The following ARFGEF3 variants were observed in gnomAD, a reference collection of about 807,000 sequenced individuals.
The protein encoded by ARFGEF3 is brefeldin A-inhibited guanine nucleotide-exchange protein 3.
Under a neutral mutation model 221.7 loss-of-function variants are expected in ARFGEF3, and 96 were observed. That is an observed-to-expected ratio of 0.43 (90% CI 0.37 to 0.51). The LOEUF (loss-of-function observed/expected upper bound fraction) is 0.51, where lower values mean the gene tolerates loss of function less well. Among genes scored for constraint, ARFGEF3 ranks in the 20% least tolerant of loss-of-function variants. The probability of loss-of-function intolerance (pLI) is 0.00; values close to 1 mark genes in which losing one functional copy is unlikely to be tolerated. For missense variants in ARFGEF3, 2,410 were observed against 2,789.9 expected (o/e 0.86, Z 3.07); for synonymous variants, 1,145 against 1,126.8 (o/e 1.02, Z -0.32).
At chr6:138,238,028 G>A (rs1487908376) in intron 5 of ARFGEF3, among the ~76,000 whole-genome samples, 2 of 152,152 alleles carry the variant, frequency 1.3e-5, no homozygotes, top group African/African-American at 4.8e-5. Context: ...CTGATGTCCT[G>A]CCTTTATGAA....
At position 138,178,716 on chromosome 6, in the gene ARFGEF3, C is replaced by T. The variant is rs565230524; in HGVS notation, c.137+8003C>T. On this transcript the variant is annotated intron_variant, in intron 2 of 33. Transcript: ENST00000251691. The stretch of plus-strand genomic sequence containing the variant: ...GCTTCTCCAGCTTTACATCACATGT[C>T]CCAGAAAGCCACTGCCTTCATCTCC... Among the ~76,000 whole-genome samples the T allele has an allele frequency of 2.0e-5, 3 of 152,230 alleles. No homozygotes were observed. The East Asian group carries it at 5.8e-4, about 29-fold the overall frequency.
intron 5 of ARFGEF3, among the ~76,000 whole-genome samples, chr6:138,231,998 A>G (rs1365570327): frequency 1.3e-5 from 2 of 152,264 alleles, no homozygotes; most frequent in African/African-American, 4.8e-5. Flanking sequence ...AAAATGGACA[A>G]TTATGAAATA....
In ARFGEF3 at chr6:138,317,206, T is replaced by C. The variant is rs1295987650; in HGVS notation, c.4346-45T>C. 3.8e-6 allele frequency: 6 copies of C among 1,596,616 alleles called. No individual in the cohort carries two copies. The African/African-American group carries it at 5.4e-5, about 14-fold the overall frequency. On this transcript the variant is annotated intron_variant, in intron 26 of 33. Coordinates refer to ENST00000251691, the MANE Select transcript of ARFGEF3 (RefSeq NM_020340.5). ...AATTGGATCTTGAGATGATTATTCA[T>C]TGTGTCTAACTGGATTTCATACAGG... is the stretch of plus-strand genomic sequence containing the variant.
rs991144956 is a variant in ARFGEF3 at position 138,263,535 on chromosome 6, C to G, written c.2052C>G (p.Leu684=). The G allele has an allele frequency of 6.2e-7, 1 of 1,613,376 alleles. No individual in the cohort carries two copies. Among genetic ancestry groups the G allele is most frequent in the Non-Finnish European group, 8.5e-7 (1 of 1,179,870 alleles). The change falls in exon 12 of 34, where the codon CTC becomes CTG. Residue 684 remains leucine (L), a synonymous_variant. Coordinates refer to ENST00000251691, the MANE Select transcript of ARFGEF3 (RefSeq NM_020340.5). Reference sequence around the variant, plus strand: ...TCATACAGTCCCTGGAAGGCCTCCTCCCTCGGCTCCTGTCTCTCTCCAATG... The same window carrying G: ...TCATACAGTCCCTGGAAGGCCTCCTGCCTCGGCTCCTGTCTCTCTCCAATG... ...RLFIQSLEGL[L]PRLLSLSNVE...
intron 13 of ARFGEF3, among the ~76,000 whole-genome samples, chr6:138,278,930 T>C (rs9494993): frequency 0.034 from 5,181 of 152,246 alleles, 279 homozygotes; most frequent in African/African-American, 0.12. Flanking sequence ...ATTAAACATG[T>C]GTATAAAACC....
At position 138,337,041 on chromosome 6, in the gene ARFGEF3, G is replaced by GTAAAATAATCCAGAACACT. The variant is rs1314928130; in HGVS notation, c.*557_*575dup. 1 of 152,628 alleles carries GTAAAATAATCCAGAACACT rather than the reference G, an allele frequency of 6.6e-6. No homozygotes were observed. Among genetic ancestry groups the GTAAAATAATCCAGAACACT allele is most frequent in the Non-Finnish European group, 1.5e-5 (1 of 68,048 alleles). 9.5% of individuals were successfully genotyped at this position (152,628 alleles called of 1,614,324 possible). On this transcript the variant is annotated 3_prime_UTR_variant, in exon 34 of 34. Coordinates refer to ENST00000251691, the MANE Select transcript of ARFGEF3 (RefSeq NM_020340.5). Reference sequence around the variant, plus strand: ...AATCAAGAAAGAGGTGACTTCTGTTGTAAAATAATCCAGAACACTTCAAAA... The same window carrying GTAAAATAATCCAGAACACT: ...AATCAAGAAAGAGGTGACTTCTGTTGTAAAATAATCCAGAACACTTAAAATAATCCAGAACACTTCAAAA...
At chr6:138,215,790 A>G (rs528456031) in intron 4 of ARFGEF3, among the ~76,000 whole-genome samples, 104 of 151,870 alleles carry the variant, frequency 6.8e-4, no homozygotes, top group Middle Eastern at 6.8e-3. Context: ...CTAAATTCAC[A>G]TATGAAGAAG....
Position 138,255,595 on chromosome 6 carries a change from T to C in ARFGEF3, c.930T>C (p.Thr310=), listed in dbSNP as rs764914043. ...GCCGAGGATCAGGCTGCTCCTGCAC[T>C]GCGCCGGCCCTGAGCGGACCTGTGG... is the stretch of plus-strand genomic sequence containing the variant. ...DHGRGSGCSC[T]APALSGPVAR... The change falls in exon 10 of 34, where the codon ACT becomes ACC. Residue 310 remains threonine, a synonymous_variant. Transcript: ENST00000251691. 32 of 1,613,884 alleles carry C rather than the reference T, an allele frequency of 2.0e-5. No individual in the cohort carries two copies. Among genetic ancestry groups the C allele is most frequent in the Non-Finnish European group, 2.3e-5 (27 of 1,179,884 alleles).
intron 23 of ARFGEF3, 129 bp downstream of exon 23, chr6:138,307,526 T>C: frequency 1.1e-6 from 1 of 874,988 alleles, no homozygotes; most frequent in Non-Finnish European, 1.8e-6. Context: ...CAGGAAAGAA[T>C]GTGGTGTAGC....
chr6:138,220,369 A>C (rs1480101410), intron 4 of ARFGEF3, among the ~76,000 whole-genome samples: 1 of 152,190 alleles, frequency 6.6e-6, no homozygotes, highest in Non-Finnish European at 1.5e-5. Context: ...ATCTATATAT[A>C]TGTAGTCCTT....
intron 12 of ARFGEF3, among the ~76,000 whole-genome samples, chr6:138,277,184 T>G (rs1779113705): frequency 6.6e-6 from 1 of 152,194 alleles, no homozygotes; most frequent in Non-Finnish European, 1.5e-5. Context: ...TATTTTCTAT[T>G]TCTTCTAATT....
chr6:138,338,687 C>G lies in ARFGEF3; in HGVS notation c.*2201C>G, dbSNP rs1780375969. The G allele has an allele frequency of 6.6e-6, 1 of 151,684 alleles. No individual in the cohort carries two copies. Among genetic ancestry groups the G allele is most frequent in the Non-Finnish European group, 1.5e-5 (1 of 68,034 alleles). The allele number at this position is 151,684 out of a possible 1,614,324, so 9.4% of individuals were successfully genotyped here. On this transcript the variant is annotated 3_prime_UTR_variant, in exon 34 of 34. Transcript: ENST00000251691. Reference sequence around the variant, plus strand: ...TGGTAGGATGCACCTGTAATCCCAGCTACTTAGGAGGCCGAGACAGGAGAA... The same window carrying G: ...TGGTAGGATGCACCTGTAATCCCAGGTACTTAGGAGGCCGAGACAGGAGAA...
At position 138,343,672 on chromosome 6, in the gene ARFGEF3, T is replaced by C. The variant is rs1484428492; in HGVS notation, c.*7186T>C. On this transcript the variant is annotated 3_prime_UTR_variant, in exon 34 of 34. Coordinates refer to ENST00000251691, the MANE Select transcript of ARFGEF3 (RefSeq NM_020340.5). Reference sequence around the variant, plus strand: ...AATGTGTAAAAGATTATGTTTTTTCTTAAAGTTAGGGAGGCTCGGGCCCTG... The same window carrying C: ...AATGTGTAAAAGATTATGTTTTTTCCTAAAGTTAGGGAGGCTCGGGCCCTG... 1 of 152,210 alleles carries C rather than the reference T, an allele frequency of 6.6e-6. No individual in the cohort carries two copies. Among genetic ancestry groups the C allele is most frequent in the Non-Finnish European group, 1.5e-5 (1 of 68,048 alleles). 9.4% of individuals were successfully genotyped at this position (152,210 alleles called of 1,614,324 possible).
At chr6:138,227,018 T>C (rs934363622) in intron 4 of ARFGEF3, among the ~76,000 whole-genome samples, 1 of 151,962 alleles carries the variant, frequency 6.6e-6, no homozygotes, top group Non-Finnish European at 1.5e-5. Flanking sequence ...TTTCATTATT[T>C]CCTGCTGTTT....
chr6:138,219,389 G>A (rs1777936629), intron 4 of ARFGEF3, among the ~76,000 whole-genome samples: 1 of 152,174 alleles, frequency 6.6e-6, no homozygotes, highest in Non-Finnish European at 1.5e-5. Flanking sequence ...AGACAGAGCT[G>A]GGTGTTAAAC....
chr6:138,168,350 G>A (rs1776759469), intron 1 of ARFGEF3, among the ~76,000 whole-genome samples: 1 of 152,230 alleles, frequency 6.6e-6, no homozygotes. Context: ...CTAAAAGGGA[G>A]GCTCCTAGTT....
intron 22 of ARFGEF3, among the ~76,000 whole-genome samples, chr6:138,302,313 T>C (rs1024311866): frequency 1.3e-5 from 2 of 152,024 alleles, no homozygotes; most frequent in Admixed American, 6.5e-5. Context: ...AAATGAAAAA[T>C]TAGCTATACG....
At chr6:138,331,126 C>T (rs1471598411) in intron 32 of ARFGEF3, among the ~76,000 whole-genome samples, 1 of 152,128 alleles carries the variant, frequency 6.6e-6, no homozygotes, top group East Asian at 1.9e-4. Context: ...ATAAATAAAA[C>T]ATAGAACAGC....
At chr6:138,206,917 A>AT (rs1434208863) in intron 2 of ARFGEF3, 125 bp from the exon 3 acceptor site, 1 of 675,482 alleles carries the variant, frequency 1.5e-6, no homozygotes, top group African/African-American at 1.8e-5. Context: ...GTGCATTTTT[A>AT]TTATTGGTTA....
Sources: gnomAD v4.1 joint callset for allele counts (sites outside exome capture counted in the v4.1 genomes callset) on GRCh38, gnomAD v4.1.1 for gene constraint, MANE v1.5 for transcripts, NCBI Gene and HGNC (gene_info 2026-07-23, HGNC 2026-07-21) for gene names.